Variants in LATS2 observed in about 807,000 individuals in gnomAD.
LATS2 encodes the protein serine/threonine-protein kinase LATS2.
Under a neutral mutation model 76.0 loss-of-function variants are expected in LATS2, and 24 were observed. The observed-to-expected ratio is 0.32, with a 90% confidence interval of 0.23 to 0.44. The LOEUF is 0.44. Ranked by LOEUF, LATS2 falls within the 20% of genes least tolerant of loss-of-function variation. The pLI, the probability that LATS2 is intolerant of heterozygous loss-of-function variation, is 1.00. For synonymous variants in LATS2, 692 were observed against 635.4 expected (o/e 1.09, Z -1.34); for missense variants, 1,286 against 1,481.2 (o/e 0.87, Z 2.16).
intron 2 of LATS2, among the ~76,000 whole-genome samples, chr13:21,032,877 G>A (rs1311548872): frequency 6.6e-6 from 1 of 152,194 alleles, no homozygotes; most frequent in Non-Finnish European, 1.5e-5. Flanking sequence ...GCGACAGCAT[G>A]AGCGAACCCA....
chr13:21,027,609 C>T (rs1424521486), intron 2 of LATS2, among the ~76,000 whole-genome samples: 2 of 152,190 alleles, frequency 1.3e-5, no homozygotes, highest in Non-Finnish European at 2.9e-5. Context: ...GCCAATGCCA[C>T]ACTGTCTTGC....
chr13:21,058,931 G>C (rs888795201), intron 1 of LATS2, among the ~76,000 whole-genome samples: 2 of 150,258 alleles, frequency 1.3e-5, no homozygotes, highest in Non-Finnish European at 3.0e-5. Context: ...TTATTACAAC[G>C]GTTGTTACAG....
chr13:21,009,965 C>T (rs1389256420), intron 2 of LATS2, among the ~76,000 whole-genome samples: 5 of 152,180 alleles, frequency 3.3e-5, no homozygotes, highest in African/African-American at 4.8e-5. Flanking sequence ...TTTGGGAGGG[C>T]GAGGTGGACA....
chr13:20,981,595 A>G lies in LATS2; in HGVS notation c.2536T>C (p.Ser846Pro), dbSNP rs1869890937. The G allele has an allele frequency of 1.9e-6, 3 of 1,614,058 alleles. No individual in the cohort carries two copies. Among genetic ancestry groups the G allele is most frequent in the African/African-American group, 1.3e-5 (1 of 74,924 alleles). Reference protein sequence around the residue: ...MEPSDLWDDVSNCRCGDRLKT... With the variant: ...MEPSDLWDDVPNCRCGDRLKT... The stretch of plus-strand genomic sequence containing the variant: ...AGCCTGTCCCCACACCGACAGTTAG[A>G]CACATCATCCCAGAGGTCGCTGGGC... The change falls in exon 6 of 8, where the codon TCT becomes CCT. Residue 846 changes from serine to proline, a missense_variant. Ser to Pro is a moderately conservative substitution (Grantham distance 74). Coordinates refer to ENST00000382592, the MANE Select transcript of LATS2 (RefSeq NM_014572.3).
Position 20,981,582 on chromosome 13 carries a change from C to T in LATS2, c.2549G>A (p.Cys850Tyr), listed in dbSNP as rs766291894. The T allele has an allele frequency of 3.7e-6, 6 of 1,614,232 alleles. No individual in the cohort carries two copies. The highest frequency in any genetic ancestry group is 5.1e-6 in the Non-Finnish European group (6 of 1,180,028). ...CTCTAGGGTCTTCAGCCTGTCCCCA[C>T]ACCGACAGTTAGACACATCATCCCA... is the stretch of plus-strand genomic sequence containing the variant. Reference protein sequence around the residue: ...DLWDDVSNCRCGDRLKTLEQR... With the variant: ...DLWDDVSNCRYGDRLKTLEQR... The change falls in exon 6 of 8, where the codon TGT becomes TAT. Residue 850 changes from cysteine (C) to tyrosine (Y), a missense_variant. This residue lies in a region of LATS2 where 247 missense variants were observed against 385.4 expected (regional missense o/e 0.64). Transcript: ENST00000382592.
At position 20,984,401 on chromosome 13, in the gene LATS2, C is replaced by A. The variant is rs374613235; in HGVS notation, c.1900-595G>T. ...CACAGCATTCCTAGAACTCCAAGAG[C>A]CATCTAATCTTTCAGTAACTCAGGG... On this transcript the variant is annotated intron_variant, in intron 4 of 7. Transcript: ENST00000382592. Among the ~76,000 whole-genome samples, 12 of 152,258 alleles carry A rather than the reference C, an allele frequency of 7.9e-5. No homozygotes were observed. In the East Asian group the frequency reaches 9.6e-4, roughly 12 times the overall value.
chr13:21,054,686 C>T (rs535740363), intron 1 of LATS2, among the ~76,000 whole-genome samples: 4 of 152,072 alleles, frequency 2.6e-5, no homozygotes, highest in South Asian at 2.1e-4. Flanking sequence ...ATTTCTATGT[C>T]GATGTCTGTT....
At chr13:21,046,294 C>T in intron 1 of LATS2, 64 bp from the exon 2 acceptor site, 1 of 371,742 alleles carries the variant, frequency 2.7e-6, no homozygotes, top group Non-Finnish European at 4.9e-6. Flanking sequence ...GTTAATGCTA[C>T]TTTTCAGAAA....
intron 5 of LATS2, 59 bp from the exon 6 acceptor site, chr13:20,981,707 C>T (rs1869898192): frequency 8.5e-6 from 12 of 1,406,996 alleles, no homozygotes; most frequent in Non-Finnish European, 1.2e-5. Context: ...TGAATTTTCA[C>T]TCTTCAATAA....
chr13:20,992,059 G>A (rs551170831), intron 2 of LATS2, among the ~76,000 whole-genome samples: 1 of 152,294 alleles, frequency 6.6e-6, no homozygotes, highest in African/African-American at 2.4e-5. Context: ...CCACGGGAGA[G>A]GGCAGGTAAA....
At chr13:21,027,247 C>A (rs1872343705) in intron 2 of LATS2, among the ~76,000 whole-genome samples, 1 of 152,160 alleles carries the variant, frequency 6.6e-6, no homozygotes, top group East Asian at 1.9e-4. Flanking sequence ...CCTTTTACGT[C>A]CCATGAATTT....
Position 21,046,039 on chromosome 13 carries a change from T to C in LATS2, c.-13A>G. The C allele has an allele frequency of 6.3e-7, 1 of 1,579,120 alleles. No homozygotes were observed. Among genetic ancestry groups the C allele is most frequent in the Non-Finnish European group, 8.7e-7 (1 of 1,152,972 alleles). On this transcript the variant is annotated 5_prime_UTR_variant, in exon 2 of 8. Transcript: ENST00000382592. ...TCTTTGGCCTCATTGTTAGTCCAGTTTCCTTTTACCATAAATACAATCTTC... is the reference window on the plus strand; with the variant it reads ...TCTTTGGCCTCATTGTTAGTCCAGTCTCCTTTTACCATAAATACAATCTTC...
intron 1 of LATS2, among the ~76,000 whole-genome samples, chr13:21,048,147 T>C (rs963577011): frequency 3.4e-4 from 52 of 152,210 alleles, no homozygotes; most frequent in Non-Finnish European, 1.0e-4. Context: ...CTCATTTCAG[T>C]GACTTTGTGC....
intron 1 of LATS2, among the ~76,000 whole-genome samples, chr13:21,054,721 G>A (rs939600871): frequency 2.4e-5 from 2 of 83,084 alleles, no homozygotes; most frequent in Non-Finnish European, 5.3e-5. Context: ...GAAATACTAA[G>A]TGGCCGTGTC....
At chr13:21,014,843 T>C (rs1871739048) in intron 2 of LATS2, among the ~76,000 whole-genome samples, 1 of 152,248 alleles carries the variant, frequency 6.6e-6, no homozygotes, top group African/African-American at 2.4e-5. Context: ...ACAAATACCA[T>C]GCAACCTTCT....
intron 2 of LATS2, among the ~76,000 whole-genome samples, chr13:21,041,158 C>G (rs1211603924): frequency 1.3e-5 from 2 of 151,978 alleles, no homozygotes; most frequent in Non-Finnish European, 2.9e-5. Context: ...ATTTTTAGTA[C>G]AGACAGGGTT....
chr13:21,052,014 G>C (rs936253855), intron 1 of LATS2, among the ~76,000 whole-genome samples: 1 of 152,060 alleles, frequency 6.6e-6, no homozygotes, highest in Admixed American at 6.5e-5. Flanking sequence ...AAAGTGGCTG[G>C]AGGTGGGAGG....
At chr13:21,028,161 T>C (rs540992808) in intron 2 of LATS2, among the ~76,000 whole-genome samples, 11 of 152,244 alleles carry the variant, frequency 7.2e-5, no homozygotes, top group Non-Finnish European at 1.6e-4. Flanking sequence ...TTCCCATCTA[T>C]GAGTGAGAAC....
chr13:21,007,274 T>G (rs985283981), intron 2 of LATS2, among the ~76,000 whole-genome samples: 3 of 151,594 alleles, frequency 2.0e-5, no homozygotes, highest in African/African-American at 7.3e-5. Flanking sequence ...AACCATTTTG[T>G]TTAAAACTTG....
Sources: gnomAD v4.1 joint callset for allele counts (sites outside exome capture counted in the v4.1 genomes callset) on GRCh38, gnomAD v4.1.1 for gene constraint, gnomAD v4.1.1 regional missense constraint, MANE v1.5 for transcripts, NCBI Gene and HGNC (gene_info 2026-07-23, HGNC 2026-07-21) for gene names.